Variants in CNTN6 observed in about 807,000 individuals in gnomAD.
CNTN6 encodes contactin 6.
In CNTN6, 137 loss-of-function variants were observed where a neutral mutation model predicts 122.8. That is an observed-to-expected ratio of 1.12 (90% CI 0.97 to 1.29). The LOEUF (loss-of-function observed/expected upper bound fraction) is 1.29. Ranked by LOEUF, CNTN6 falls within the 50% of genes most tolerant of loss-of-function variation. The pLI, the probability that CNTN6 is intolerant of heterozygous loss-of-function variation, is 0.00. For missense variants in CNTN6, 1,634 were observed against 1,223.4 expected, an observed-to-expected ratio of 1.34 and a Z score of -5.01; for synonymous variants, 570 against 426.0, an observed-to-expected ratio of 1.34 and a Z score of -4.16.
intron 1 of CNTN6, among the ~76,000 whole-genome samples, chr3:1,130,927 C>T (rs1370033095): frequency 6.6e-6 from 1 of 152,124 alleles, no homozygotes; most frequent in African/African-American, 2.4e-5. Context: ...AACTTACTTA[C>T]TGTACTTTGT....
At chr3:1,369,892 T>C (rs1708758025) in intron 12 of CNTN6, among the ~76,000 whole-genome samples, 1 of 152,026 alleles carries the variant, frequency 6.6e-6, no homozygotes, top group African/African-American at 2.4e-5. Context: ...TTTATGTTTT[T>C]AAGTTTTTTA....
At chr3:1,313,571 A>G (rs1303563782) in intron 7 of CNTN6, among the ~76,000 whole-genome samples, 4 of 152,058 alleles carry the variant, frequency 2.6e-5, no homozygotes, top group Non-Finnish European at 5.9e-5. Context: ...CAGCTCTATA[A>G]AATTTGCCTG....
At chr3:1,225,993 T>C (rs2094277795) in intron 3 of CNTN6, among the ~76,000 whole-genome samples, 1 of 152,154 alleles carries the variant, frequency 6.6e-6, no homozygotes, top group African/African-American at 2.4e-5. Context: ...TGTCAGATTC[T>C]CCCCATGGGA....
At chr3:1,282,213 T>A (rs1207444683) in intron 5 of CNTN6, among the ~76,000 whole-genome samples, 1 of 152,166 alleles carries the variant, frequency 6.6e-6, no homozygotes, top group East Asian at 1.9e-4. Flanking sequence ...TGTCCTTTCT[T>A]CTGCGTAAAC....
intron 4 of CNTN6, among the ~76,000 whole-genome samples, chr3:1,241,072 C>T (rs2094476786): frequency 6.6e-6 from 1 of 152,000 alleles, no homozygotes; most frequent in East Asian, 1.9e-4. Flanking sequence ...TTACAAAGTA[C>T]ATTGATCAGT....
chr3:1,327,673 A>G (rs2125991803), intron 10 of CNTN6, 87 bp downstream of exon 10: 7 of 1,314,502 alleles, frequency 5.3e-6, no homozygotes, highest in Non-Finnish European at 7.3e-6. Flanking sequence ...TTTTTTTTGT[A>G]AATTAGAAAT....
chr3:1,337,089 A>G (rs1007957216), intron 11 of CNTN6, among the ~76,000 whole-genome samples: 3 of 152,192 alleles, frequency 2.0e-5, no homozygotes, highest in Non-Finnish European at 4.4e-5. Flanking sequence ...AGCCGTTAGC[A>G]TAATGCCTGA....
chr3:1,228,127 T>G (rs2094308763), intron 4 of CNTN6, 134 bp downstream of exon 4: 1 of 748,602 alleles, frequency 1.3e-6, no homozygotes, highest in African/African-American at 1.8e-5. Flanking sequence ...TTGACAATGT[T>G]CATTTTGTGA....
intron 4 of CNTN6, among the ~76,000 whole-genome samples, chr3:1,237,592 T>G (rs578089540): frequency 6.6e-6 from 1 of 152,152 alleles, no homozygotes; most frequent in African/African-American, 2.4e-5. Context: ...CCTAGGCATA[T>G]AGTCATTAGG....
rs79846878 is a variant in CNTN6, at chr3:1,401,609, C to G, written c.2817+64C>G. 341 of 1,124,648 alleles carry G rather than the reference C, an allele frequency of 3.0e-4. 1 individual carries two copies. In the African/African-American group the frequency reaches 4.4e-3, roughly 14 times the overall value. The allele number at this position is 1,124,648 out of a possible 1,614,324, so 69.7% of individuals were successfully genotyped here. ...TTACTAAGGAATGAAACATGTGACACCCAAATGGAAAACAAATTGGATGCA... is the reference window on the plus strand; with the variant it reads ...TTACTAAGGAATGAAACATGTGACAGCCAAATGGAAAACAAATTGGATGCA... On this transcript the variant is annotated intron_variant, in intron 21 of 22. Coordinates refer to ENST00000446702, the MANE Select transcript of CNTN6 (RefSeq NM_001289080.2).
intron 4 of CNTN6, among the ~76,000 whole-genome samples, chr3:1,266,365 C>T (rs944415390): frequency 6.6e-6 from 1 of 152,106 alleles, no homozygotes; most frequent in Admixed American, 6.6e-5. Context: ...CAGTATTTAC[C>T]ATCAACCCTG....
rs540836535 is a variant in CNTN6, at chr3:1,367,625, T to G, written c.1493-4674T>G. On this transcript the variant is annotated intron_variant, in intron 12 of 22. Coordinates refer to ENST00000446702, the MANE Select transcript of CNTN6 (RefSeq NM_001289080.2). ...CTGCTGCTGCTTCACCATACCCACA[T>G]GCATATGTGGCAGCTCCTGCACACA... Among the ~76,000 whole-genome samples the G allele has an allele frequency of 2.4e-3, 371 of 152,178 alleles. 1 individual carries two copies. The highest frequency in any genetic ancestry group is 8.1e-3 in the African/African-American group (335 of 41,536).
chr3:1,246,668 T>C (rs2094586972), intron 4 of CNTN6, among the ~76,000 whole-genome samples: 1 of 152,158 alleles, frequency 6.6e-6, no homozygotes, highest in Non-Finnish European at 1.5e-5. Flanking sequence ...TTTTCTATAT[T>C]CTTGACAATA....
chr3:1,303,879 A>G (rs411331), intron 7 of CNTN6, among the ~76,000 whole-genome samples: 106,269 of 152,052 alleles, frequency 0.7, 38,434 homozygotes, highest in East Asian at 1. Context: ...TTACTACTAA[A>G]ATGAAATCCC....
At chr3:1,134,192 C>T (rs1017456036) in intron 1 of CNTN6, among the ~76,000 whole-genome samples, 8 of 152,142 alleles carry the variant, frequency 5.3e-5, no homozygotes, top group Non-Finnish European at 8.8e-5. Context: ...ACTTGGAAGT[C>T]GGCCTCCTCC....
intron 9 of CNTN6, 38 bp downstream of exon 9, chr3:1,325,989 T>C: frequency 1.9e-6 from 3 of 1,572,824 alleles, no homozygotes; most frequent in Non-Finnish European, 2.6e-6. Context: ...TTACCTACTC[T>C]ACTAGGTAAA....
At chr3:1,376,945 C>G (rs1001915470) in intron 16 of CNTN6, 60 bp from the exon 17 acceptor site, 2 of 1,158,484 alleles carry the variant, frequency 1.7e-6, no homozygotes, top group Non-Finnish European at 2.5e-6. Flanking sequence ...AAACAAAATT[C>G]TTCCTGATGA....
At chr3:1,326,707 A>G (rs1001910450) in intron 9 of CNTN6, among the ~76,000 whole-genome samples, 1 of 151,914 alleles carries the variant, frequency 6.6e-6, no homozygotes, top group Non-Finnish European at 1.5e-5. Context: ...AGAGACACAA[A>G]GAACATCTGT....
At chr3:1,141,570 A>C (rs994637061) in intron 1 of CNTN6, among the ~76,000 whole-genome samples, 2 of 152,162 alleles carry the variant, frequency 1.3e-5, no homozygotes, top group Non-Finnish European at 2.9e-5. Flanking sequence ...TCCTGCTACC[A>C]ATGTGAGAAA....
Sources: allele counts gnomAD v4.1 joint callset (sites outside exome capture counted in the v4.1 genomes callset), GRCh38; gene constraint gnomAD v4.1.1; transcripts MANE v1.5; gene names NCBI Gene and HGNC (gene_info 2026-07-23, HGNC 2026-07-21).